Variants in CXADR observed in about 807,000 individuals in gnomAD.
The protein encoded by CXADR is CXADR cell adhesion molecule, also known as coxsackievirus and adenovirus receptor.
In CXADR, 20 loss-of-function variants were observed where a neutral mutation model predicts 40.3. The ratio of observed to expected loss-of-function variants is 0.50; its 90% CI spans 0.35 to 0.72. The LOEUF (loss-of-function observed/expected upper bound fraction) is 0.72. CXADR is among the 30% of genes least tolerant of loss of function. CXADR has a pLI of 0.01. For synonymous variants in CXADR, 150 were observed against 161.3 expected, an observed-to-expected ratio of 0.93 and a Z score of 0.53; for missense variants, 332 against 449.1, an observed-to-expected ratio of 0.74 and a Z score of 2.36.
chr21:17,545,577 C>T (rs1600993901), intron 1 of CXADR, among the ~76,000 whole-genome samples: 1 of 151,978 alleles, frequency 6.6e-6, no homozygotes, highest in African/African-American at 2.4e-5. Context: ...CAGGTGCACA[C>T]CACCACACCC....
the CXADR span, among the ~76,000 whole-genome samples, chr21:17,627,320 C>T: frequency 6.6e-6 from 1 of 152,098 alleles, no homozygotes; most frequent in African/African-American, 2.4e-5. Flanking sequence ...TACACCATTG[C>T]ACTCCAGCCT....
intron 1 of CXADR, among the ~76,000 whole-genome samples, chr21:17,541,617 A>AT (rs35505180): frequency 0.019 from 2,583 of 138,886 alleles, 59 homozygotes; most frequent in East Asian, 0.074. Flanking sequence ...GCATCTGTTG[A>AT]TTTTTTTTTT....
At chr21:17,615,283 C>A in the CXADR span, among the ~76,000 whole-genome samples, 3 of 152,164 alleles carry the variant, frequency 2.0e-5, no homozygotes, top group East Asian at 5.8e-4. Context: ...TTTAACTTCC[C>A]TACCTCCAAA....
chr21:17,560,641 A>G, intron 4 of CXADR, 61 bp from the exon 5 acceptor site: 6 of 1,519,770 alleles, frequency 3.9e-6, no homozygotes, highest in Non-Finnish European at 5.4e-6. Context: ...TATGTTTACT[A>G]ACACCTGATA....
chr21:17,573,388 A>G (rs959053448), downstream of CXADR, among the ~76,000 whole-genome samples: 3 of 152,178 alleles, frequency 2.0e-5, no homozygotes, highest in African/African-American at 7.2e-5. Flanking sequence ...GCACATTATG[A>G]GAGGGACTAA....
At chr21:17,629,517 A>C in the CXADR span, among the ~76,000 whole-genome samples, 1 of 152,134 alleles carries the variant, frequency 6.6e-6, no homozygotes, top group Non-Finnish European at 1.5e-5. Flanking sequence ...GTTAGCTGTG[A>C]TTGTGCCACT....
chr21:17,587,639 C>T (rs980219723), intron 7 of CXADR, among the ~76,000 whole-genome samples: 22 of 152,118 alleles, frequency 1.4e-4, no homozygotes, highest in African/African-American at 5.3e-4. Context: ...GATATTAGCC[C>T]TTTGTCAGGT....
chr21:17,521,346 G>T (rs560732497), intron 1 of CXADR, among the ~76,000 whole-genome samples: 2 of 152,086 alleles, frequency 1.3e-5, no homozygotes, highest in South Asian at 4.2e-4. Context: ...ATTTTGAGAC[G>T]GAGTCTTGTT....
chr21:17,587,712 T>C (rs2123397950), intron 7 of CXADR, among the ~76,000 whole-genome samples: 1 of 152,288 alleles, frequency 6.6e-6, no homozygotes, highest in South Asian at 2.1e-4. Flanking sequence ...TGGTAGTTTC[T>C]TTTGCTGTGC....
downstream of CXADR, chr21:17,598,536 G>T: frequency 2.5e-6 from 3 of 1,177,852 alleles, no homozygotes; most frequent in Non-Finnish European, 3.6e-6. Context: ...CAGAAACCTT[G>T]GGCAATGCCA....
chr21:17,539,503 A>G (rs536640353), intron 1 of CXADR, among the ~76,000 whole-genome samples: 1 of 152,028 alleles, frequency 6.6e-6, no homozygotes, highest in African/African-American at 2.4e-5. Flanking sequence ...CTCCTTCCAC[A>G]TTAGTCTGGA....
At chr21:17,545,368 A>G (rs1397340535) in intron 1 of CXADR, among the ~76,000 whole-genome samples, 1 of 152,144 alleles carries the variant, frequency 6.6e-6, no homozygotes, top group Non-Finnish European at 1.5e-5. Flanking sequence ...GCATACTTTT[A>G]TAGTATGAAT....
At chr21:17,628,363 A>G in the CXADR span, among the ~76,000 whole-genome samples, 74,604 of 152,116 alleles carry the variant, frequency 0.49, 19,478 homozygotes, top group African/African-American at 0.67. Flanking sequence ...AGCCACTGGT[A>G]TAGTTCTAGC....
At chr21:17,577,035 A>T (rs967994054) in intron 7 of CXADR, 4 of 152,202 alleles carry the variant, frequency 2.6e-5, no homozygotes, top group African/African-American at 9.7e-5. Context: ...AAACTCTAGG[A>T]TATACACCAG....
intron 7 of CXADR, among the ~76,000 whole-genome samples, chr21:17,581,653 G>A (rs200141616): frequency 0.029 from 2 of 70 alleles, no homozygotes; most frequent in Non-Finnish European, 0.048. Flanking sequence ...AGACCAGCCA[G>A]GGCCAACATA....
intron 3 of CXADR, among the ~76,000 whole-genome samples, chr21:17,556,457 G>C (rs2061037832): frequency 6.8e-6 from 1 of 146,744 alleles, no homozygotes. Flanking sequence ...TAGATTGCTG[G>C]TTATATGGGA....
chr21:17,621,502 A>T, the CXADR span, among the ~76,000 whole-genome samples: 1 of 152,190 alleles, frequency 6.6e-6, no homozygotes, highest in South Asian at 2.1e-4. Context: ...ACAGTCAAAG[A>T]TACTGCTATA....
At chr21:17,516,450 A>G (rs916432242) in intron 1 of CXADR, among the ~76,000 whole-genome samples, 3 of 152,240 alleles carry the variant, frequency 2.0e-5, no homozygotes, top group African/African-American at 4.8e-5. Context: ...TTGTGAGGAC[A>G]CTAGTTTCTC....
chr21:17,555,160 A>C (rs1336733336), intron 3 of CXADR, among the ~76,000 whole-genome samples: 1 of 152,204 alleles, frequency 6.6e-6, no homozygotes, highest in African/African-American at 2.4e-5. Flanking sequence ...GAGCTCTGGA[A>C]GGGCCTGTTT....
Sources: allele counts gnomAD v4.1 joint callset (sites outside exome capture counted in the v4.1 genomes callset), GRCh38; gene constraint gnomAD v4.1.1; transcripts MANE v1.5; gene names NCBI Gene and HGNC (gene_info 2026-07-23, HGNC 2026-07-21).